Variants in SLC35F1 observed in about 807,000 individuals in gnomAD.
SLC35F1 encodes chromosome 6 open reading frame 169.
Under a neutral mutation model 48.7 loss-of-function variants are expected in SLC35F1, and 14 were observed. The observed-to-expected ratio is 0.29, with a 90% CI of 0.19 to 0.45. SLC35F1 has a LOEUF of 0.45. Among genes scored for constraint, SLC35F1 ranks in the 20% least tolerant of loss-of-function variants. The pLI, the probability that SLC35F1 is intolerant of heterozygous loss-of-function variation, is 1.00. For missense variants in SLC35F1, 404 were observed against 500.0 expected, an observed-to-expected ratio of 0.81 and a Z score of 1.83; for synonymous variants, 190 against 202.2, an observed-to-expected ratio of 0.94 and a Z score of 0.51.
chr6:118,011,771 T>C (rs1777250348), intron 1 of SLC35F1, among the ~76,000 whole-genome samples: 2 of 152,266 alleles, frequency 1.3e-5, no homozygotes, highest in South Asian at 2.1e-4. Flanking sequence ...GGCTTGGGGA[T>C]TGAGGAGCCC....
intron 1 of SLC35F1, among the ~76,000 whole-genome samples, chr6:117,909,479 T>G (rs1296783769): frequency 1.3e-5 from 2 of 152,200 alleles, no homozygotes; most frequent in Non-Finnish European, 2.9e-5. Flanking sequence ...TAATGAATCA[T>G]AGAGCCCAGA....
chr6:118,066,756 T>C (rs1772620435), intron 1 of SLC35F1, among the ~76,000 whole-genome samples: 1 of 150,762 alleles, frequency 6.6e-6, no homozygotes, highest in Non-Finnish European at 1.5e-5. Context: ...TTTTTTTTTT[T>C]TTTTCTTGAG....
chr6:118,063,424 G>A (rs1772570155), intron 1 of SLC35F1, among the ~76,000 whole-genome samples: 1 of 151,958 alleles, frequency 6.6e-6, no homozygotes, highest in Non-Finnish European at 1.5e-5. Context: ...AGTCTGTAAG[G>A]GAAATTACAC....
At chr6:118,245,761 C>A (rs921466139) in intron 3 of SLC35F1, among the ~76,000 whole-genome samples, 2 of 152,198 alleles carry the variant, frequency 1.3e-5, no homozygotes, top group Non-Finnish European at 2.9e-5. Context: ...TAGTGCTCTG[C>A]TAAGCACACA....
At chr6:118,084,496 T>C (rs1261789795) in intron 1 of SLC35F1, among the ~76,000 whole-genome samples, 2 of 152,178 alleles carry the variant, frequency 1.3e-5, no homozygotes, top group African/African-American at 2.4e-5. Flanking sequence ...TTCAAAGAGA[T>C]ACAGAATAAT....
chr6:118,203,868 A>G (rs1582727917), intron 2 of SLC35F1, among the ~76,000 whole-genome samples: 1 of 152,170 alleles, frequency 6.6e-6, no homozygotes, highest in Non-Finnish European at 1.5e-5. Context: ...GTGCACTCCT[A>G]CACACTTTGA....
At chr6:118,281,204 C>CTATATATATA (rs1554244292) in intron 6 of SLC35F1, among the ~76,000 whole-genome samples, 131 of 130,476 alleles carry the variant, frequency 1.0e-3, no homozygotes, top group South Asian at 4.9e-3. Flanking sequence ...CTCTCTCTCT[C>CTATATATATA]TATATATATA....
intron 2 of SLC35F1, among the ~76,000 whole-genome samples, chr6:118,216,507 G>C (rs1439125347): frequency 1.3e-5 from 2 of 151,084 alleles, no homozygotes; most frequent in African/African-American, 4.9e-5. Context: ...GACCAATGGA[G>C]AATGTGAACA....
At chr6:118,308,780 T>C (rs1236062953) in intron 7 of SLC35F1, among the ~76,000 whole-genome samples, 1 of 152,258 alleles carries the variant, frequency 6.6e-6, no homozygotes, top group Non-Finnish European at 1.5e-5. Flanking sequence ...AATATCCTTG[T>C]ATTCATTTCT....
At chr6:118,196,292 A>G (rs953012398) in intron 2 of SLC35F1, among the ~76,000 whole-genome samples, 1 of 152,182 alleles carries the variant, frequency 6.6e-6, no homozygotes. Flanking sequence ...CTACCTATTA[A>G]GTTAGATTGC....
chr6:118,311,287 C>A (rs1399182374), intron 7 of SLC35F1, among the ~76,000 whole-genome samples: 1 of 152,116 alleles, frequency 6.6e-6, no homozygotes, highest in Non-Finnish European at 1.5e-5. Flanking sequence ...ACTGCATTAT[C>A]TAGTTTAAAG....
chr6:118,267,285 T>A (rs186819861), intron 4 of SLC35F1, 131 bp downstream of exon 4: 1 of 1,064,860 alleles, frequency 9.4e-7, no homozygotes, highest in Non-Finnish European at 1.4e-6. Context: ...GTCCTGTTCA[T>A]GTCTGTTCCC....
chr6:118,121,969 A>G (rs1773557909), intron 1 of SLC35F1, among the ~76,000 whole-genome samples: 1 of 152,142 alleles, frequency 6.6e-6, no homozygotes, highest in Non-Finnish European at 1.5e-5. Context: ...TTGCCATGAA[A>G]TCCTATGAGG....
intron 1 of SLC35F1, among the ~76,000 whole-genome samples, chr6:118,116,156 G>A (rs1021398890): frequency 2.0e-5 from 3 of 152,146 alleles, no homozygotes; most frequent in Admixed American, 1.3e-4. Context: ...CTCCCTGCCC[G>A]CAATAGGGAG....
At chr6:118,122,577 C>G (rs115749245) in intron 1 of SLC35F1, among the ~76,000 whole-genome samples, 1 of 152,116 alleles carries the variant, frequency 6.6e-6, no homozygotes, top group Admixed American at 6.6e-5. Context: ...TTTTATTGTG[C>G]GCGTTTAGTA....
Position 117,923,737 on chromosome 6 carries a change from A to ATG in SLC35F1, c.173+15839_173+15840insGT, listed in dbSNP as rs1311856210. On this transcript the variant is annotated intron_variant, in intron 1 of 7. Coordinates refer to ENST00000360388, the MANE Select transcript of SLC35F1 (RefSeq NM_001029858.4). ...TATATACATATATACATATGTATATATACATATATGTACATATATACATAT... is the reference window on the plus strand; with the variant it reads ...TATATACATATATACATATGTATATATGTACATATATGTACATATATACATAT... 1.8e-3 allele frequency among the ~76,000 whole-genome samples: 163 copies of ATG among 93,128 alleles called. 27 individuals are homozygous for ATG. The highest frequency in any genetic ancestry group is 7.1e-3 in the African/African-American group (123 of 17,236). The allele number at this position is 93,128 out of a possible 152,430, so 61.1% of individuals were successfully genotyped here. A position where few individuals can be genotyped will look rare whatever the true frequency, so the allele number is the denominator to read the frequency against.
intron 1 of SLC35F1, among the ~76,000 whole-genome samples, chr6:118,018,389 G>T (rs1391630101): frequency 6.6e-6 from 1 of 151,512 alleles, no homozygotes; most frequent in Non-Finnish European, 1.5e-5. Flanking sequence ...AAAGAAAAAA[G>T]AAAAAAAGGC....
intron 2 of SLC35F1, among the ~76,000 whole-genome samples, chr6:118,218,138 C>T (rs1347500022): frequency 6.6e-6 from 1 of 152,078 alleles, no homozygotes; most frequent in East Asian, 1.9e-4. Flanking sequence ...TGAGAGGCCT[C>T]TCAGGAAAAT....
At chr6:118,053,340 G>A (rs771027776) in intron 1 of SLC35F1, among the ~76,000 whole-genome samples, 18 of 151,970 alleles carry the variant, frequency 1.2e-4, no homozygotes, top group Non-Finnish European at 2.4e-4. Flanking sequence ...TAGAGAGCAG[G>A]CCAGCACTTA....
Sources: gnomAD v4.1 joint callset for allele counts (sites outside exome capture counted in the v4.1 genomes callset) on GRCh38, gnomAD v4.1.1 for gene constraint, MANE v1.5 for transcripts, NCBI Gene and HGNC (gene_info 2026-07-23, HGNC 2026-07-21) for gene names.